EML6: variants seen among roughly 807,000 people sequenced by gnomAD.
The protein encoded by EML6 is echinoderm microtubule-associated protein-like 6.
EML6 carries 154 observed loss-of-function variants against 240.1 expected under a neutral mutation model. The ratio of observed to expected loss-of-function variants is 0.64; its 90% confidence interval spans 0.56 to 0.73. The LOEUF is 0.73. Ranked by LOEUF, EML6 falls within the 30% of genes least tolerant of loss-of-function variation. EML6 has a pLI of 0.00. For missense variants in EML6, 2,964 were observed against 2,474.6 expected (o/e 1.20, Z -4.20); for synonymous variants, 1,148 against 899.0 (o/e 1.28, Z -4.95).
At chr2:54,830,672 C>T (rs767923622) in intron 7 of EML6, among the ~76,000 whole-genome samples, 11 of 152,196 alleles carry the variant, frequency 7.2e-5, no homozygotes, top group Admixed American at 5.2e-4. Flanking sequence ...ACAGCCTAGA[C>T]GGCATATCCT....
At chr2:54,865,719 C>G (rs1251457937) in intron 13 of EML6, among the ~76,000 whole-genome samples, 1 of 152,142 alleles carries the variant, frequency 6.6e-6, no homozygotes, top group African/African-American at 2.4e-5. Flanking sequence ...TTTCTGATCC[C>G]AAACATTTCA....
chr2:54,895,504 C>G, intron 21 of EML6, 104 bp downstream of exon 21: 2 of 1,139,410 alleles, frequency 1.8e-6, no homozygotes, highest in Non-Finnish European at 1.3e-6. Flanking sequence ...CACTCACTCT[C>G]AGGGTTGCAC....
chr2:54,723,790 G>A lies in EML6; in HGVS notation c.-514+13G>A, dbSNP rs1297008776. ...GCTGGCAGCAGAGGTTAGAGGCAGA[G>A]AGCGCGCGGATGCTCCGCGGGCGAG... is the stretch of plus-strand genomic sequence containing the variant. On this transcript the variant is annotated intron_variant, in intron 1 of 41. Coordinates refer to ENST00000356458, the MANE Select transcript of EML6 (RefSeq NM_001039753.4). 5 of 152,480 alleles carry A rather than the reference G, an allele frequency of 3.3e-5. No individual in the cohort carries two copies. Among genetic ancestry groups the A allele is most frequent in the African/African-American group, 7.2e-5 (3 of 41,482 alleles). The allele number at this position is 152,480 out of a possible 1,614,324, so 9.4% of individuals were successfully genotyped here. A position where few individuals can be genotyped will look rare whatever the true frequency, so the allele number is the denominator to read the frequency against.
At chr2:54,929,574 A>G (rs1674744272) in intron 28 of EML6, among the ~76,000 whole-genome samples, 1 of 152,210 alleles carries the variant, frequency 6.6e-6, no homozygotes, top group Non-Finnish European at 1.5e-5. Context: ...CTGGTCCCAC[A>G]ATATGTAATT....
intron 2 of EML6, among the ~76,000 whole-genome samples, chr2:54,729,154 G>A (rs1224761217): frequency 6.6e-6 from 1 of 152,174 alleles, no homozygotes; most frequent in Non-Finnish European, 1.5e-5. Context: ...AGTTTGTTGT[G>A]GGGATTACAT....
intron 2 of EML6, among the ~76,000 whole-genome samples, chr2:54,744,328 C>A (rs1683798614): frequency 6.6e-6 from 1 of 151,960 alleles, no homozygotes; most frequent in South Asian, 2.1e-4. Context: ...GGGATGTAAA[C>A]CCATGGGAAT....
intron 32 of EML6, among the ~76,000 whole-genome samples, chr2:54,956,351 C>T (rs1676233240): frequency 6.6e-6 from 1 of 151,976 alleles, no homozygotes; most frequent in Admixed American, 6.6e-5. Flanking sequence ...CTTGTATTGG[C>T]TGCTTTTGTA....
chr2:54,842,250 C>T (rs1669500622), intron 7 of EML6, among the ~76,000 whole-genome samples: 1 of 152,330 alleles, frequency 6.6e-6, no homozygotes, highest in South Asian at 2.1e-4. Flanking sequence ...CTATTTATCT[C>T]TCTGCCCCAG....
chr2:54,841,624 C>T (rs1204333545), intron 7 of EML6, among the ~76,000 whole-genome samples: 1 of 130,118 alleles, frequency 7.7e-6, no homozygotes, highest in African/African-American at 2.8e-5. Flanking sequence ...CAATCTTGCT[C>T]TGTCGCCCAG....
chr2:54,954,094 A>G lies in EML6; in HGVS notation c.4424A>G (p.Lys1475Arg), dbSNP rs926675256. 2 of 1,551,630 alleles carry G rather than the reference A, an allele frequency of 1.3e-6. No individual in the cohort carries two copies. Among genetic ancestry groups the G allele is most frequent in the Non-Finnish European group, 8.7e-7 (1 of 1,146,968 alleles). The change falls in exon 32 of 42, where the codon AAG becomes AGG. Residue 1475 changes from lysine to arginine, a missense_variant. By Grantham distance (26) the Lys-to-Arg change is conservative. Coordinates refer to ENST00000356458, the MANE Select transcript of EML6 (RefSeq NM_001039753.4). The part of the protein sequence containing the change: ...VNYINFSATG[K>R]LLVSVGVDPE... ...TACATCAACTTCAGTGCAACTGGAAAGCTCCTGGTGTCGGTGGGAGTGGAC... is the reference window on the plus strand; with the variant it reads ...TACATCAACTTCAGTGCAACTGGAAGGCTCCTGGTGTCGGTGGGAGTGGAC...
intron 28 of EML6, among the ~76,000 whole-genome samples, chr2:54,946,933 A>C (rs1477631649): frequency 6.6e-6 from 1 of 152,186 alleles, no homozygotes; most frequent in Non-Finnish European, 1.5e-5. Context: ...GGTGAAAAAA[A>C]AAAGCATCGG....
chr2:54,723,857 G>C (rs1042253602), intron 1 of EML6, 80 bp downstream of exon 1: 2 of 152,622 alleles, frequency 1.3e-5, no homozygotes, highest in Non-Finnish European at 2.9e-5. Flanking sequence ...CCGCCAGGGC[G>C]GCAGTGCGCG....
chr2:54,907,933 TAGATAGATAGATAAGATAGA>T (rs1558673874), intron 24 of EML6, among the ~76,000 whole-genome samples: 4 of 41,872 alleles, frequency 9.6e-5, no homozygotes, highest in Non-Finnish European at 1.6e-4. Flanking sequence ...GATAGATAGA[TAGATAGATAGATAAGATAGA>T]TAGATAGATA....
At chr2:54,731,392 C>G (rs1171015264) in intron 2 of EML6, among the ~76,000 whole-genome samples, 1 of 152,128 alleles carries the variant, frequency 6.6e-6, no homozygotes, top group Non-Finnish European at 1.5e-5. Context: ...GTCATCCCAG[C>G]ACTTTGGGAG....
chr2:54,871,640 T>C lies in EML6; in HGVS notation c.2344+35T>C, dbSNP rs762717577. 7 of 1,431,712 alleles carry C rather than the reference T, an allele frequency of 4.9e-6. No homozygotes were observed. In the South Asian group the frequency reaches 7.4e-5, roughly 15 times the overall value. 88.7% of individuals were successfully genotyped at this position (1,431,712 alleles called of 1,614,324 possible). ...AGAGTGATTGACACATGGTTCTACG[T>C]TGAGAGAGAGAGAGACACAGAGAGA... On this transcript the variant is annotated intron_variant, in intron 16 of 41. Transcript: ENST00000356458.
Position 54,928,605 on chromosome 2 carries a change from A to T in EML6, c.3878-20A>T. 1 of 1,551,994 alleles carries T rather than the reference A, an allele frequency of 6.4e-7. No individual in the cohort carries two copies. ...CCACTGCAAACCAACTGGCTCCCCAATCTCTTTCTGTTGTTTGAGGCTATG... is the reference window on the plus strand; with the variant it reads ...CCACTGCAAACCAACTGGCTCCCCATTCTCTTTCTGTTGTTTGAGGCTATG... On this transcript the variant is annotated intron_variant, in intron 27 of 41. Transcript: ENST00000356458.
chr2:54,782,744 G>A (rs1384827057), intron 2 of EML6, among the ~76,000 whole-genome samples: 2 of 142,350 alleles, frequency 1.4e-5, no homozygotes, highest in African/African-American at 5.3e-5. Context: ...CTCATTCATT[G>A]TTCATCCCCA....
chr2:54,840,882 C>G (rs1241850993), intron 7 of EML6, among the ~76,000 whole-genome samples: 1 of 152,230 alleles, frequency 6.6e-6, no homozygotes, highest in African/African-American at 2.4e-5. Context: ...ATATCACTGA[C>G]TCTTCTTCCT....
intron 10 of EML6, among the ~76,000 whole-genome samples, chr2:54,851,401 A>C (rs2103756267): frequency 6.6e-6 from 1 of 152,320 alleles, no homozygotes; most frequent in South Asian, 2.1e-4. Flanking sequence ...TGACAGAGTG[A>C]GACTCCATCT....
Sources: gnomAD v4.1 joint callset for allele counts (sites outside exome capture counted in the v4.1 genomes callset) on GRCh38, gnomAD v4.1.1 for gene constraint, MANE v1.5 for transcripts, NCBI Gene and HGNC (gene_info 2026-07-23, HGNC 2026-07-21) for gene names.